The following ZNF135 variants were observed in gnomAD, a reference collection of about 807,000 sequenced individuals.
ZNF135 encodes zinc finger protein 135.
In ZNF135, 11 loss-of-function variants were observed where a neutral mutation model predicts 12.3. That is an observed-to-expected ratio of 0.89 (90% CI 0.56 to 1.48). ZNF135 has a LOEUF of 1.48. Among genes scored for constraint, ZNF135 ranks in the 40% most tolerant of loss-of-function variants. The pLI is 0.00. For synonymous variants in ZNF135, 316 were observed against 312.0 expected (o/e 1.01, Z -0.14); for missense variants, 722 against 815.7 (o/e 0.89, Z 1.40).
chr19:58,060,216 C>G lies in ZNF135; in HGVS notation c.33+181C>G. 6.9e-7 allele frequency: 1 copy of G among 1,453,038 alleles called. No homozygotes were observed. The highest frequency in any genetic ancestry group is 1.4e-5 in the South Asian group (1 of 73,162). 90.0% of individuals were successfully genotyped at this position (1,453,038 alleles called of 1,614,324 possible). Reference sequence around the variant, plus strand: ...TCGTGCCCGGCCTCTACTCGCACAACTGGCCTCTACTCGCGCACCTGGCCT... The same window carrying G: ...TCGTGCCCGGCCTCTACTCGCACAAGTGGCCTCTACTCGCGCACCTGGCCT... On this transcript the variant is annotated intron_variant, in intron 2 of 4. Transcript: ENST00000313434. This position sits in a 1 kb window ranked among gnomAD's most constrained non-coding sequence, Gnocchi z 4.9.
chr19:58,059,383 G>T lies in ZNF135; in HGVS notation c.-35+73G>T. 2 of 835,250 alleles carry T rather than the reference G, an allele frequency of 2.4e-6. No individual in the cohort carries two copies. The highest frequency in any genetic ancestry group is 1.9e-5 in the South Asian group (1 of 52,586). The allele number at this position is 835,250 out of a possible 1,614,324, so 51.7% of individuals were successfully genotyped here. A position where few individuals can be genotyped will look rare whatever the true frequency, so the allele number is the denominator to read the frequency against. On this transcript the variant is annotated intron_variant, in intron 1 of 4. Coordinates refer to ENST00000313434, the MANE Select transcript of ZNF135 (RefSeq NM_001289401.2). This position sits in a 1 kb window ranked among gnomAD's most constrained non-coding sequence, Gnocchi z 6.5. ...GCCGGGCCGGGTGCGGGGGGTCCGG[G>T]GATCTTCCTGAGGCCCTGGCGGGGC...
chr19:58,059,281 T>C (rs781591719), upstream of ZNF135: 2 of 1,530,466 alleles, frequency 1.3e-6, no homozygotes, highest in South Asian at 2.3e-5. The surrounding 1 kb of genome is among the most constrained non-coding windows in gnomAD (Gnocchi z 6.5). Context: ...CGGCTGCCGG[T>C]GCCGCGGCCT....
In ZNF135 at chr19:58,063,951, T is replaced by C. The variant is rs1439568507; in HGVS notation, c.256+410T>C. On this transcript the variant is annotated intron_variant, in intron 4 of 4. Coordinates refer to ENST00000313434, the MANE Select transcript of ZNF135 (RefSeq NM_001289401.2). The surrounding 1 kb of genome is among the most constrained non-coding windows in gnomAD (Gnocchi z 4.4). ...ATGAGGCAGTCTGAGTGAACAGTAG[T>C]ATTTCAGGCAGAGGAAACAGCAGGT... Among the ~76,000 whole-genome samples, 2 of 152,196 alleles carry C rather than the reference T, an allele frequency of 1.3e-5. No homozygotes were observed. Among genetic ancestry groups the C allele is most frequent in the African/African-American group, 2.4e-5 (1 of 41,452 alleles).
At chr19:58,061,369 CA>C (rs1182519339) in intron 2 of ZNF135, among the ~76,000 whole-genome samples, 1 of 152,186 alleles carries the variant, frequency 6.6e-6, no homozygotes, top group African/African-American at 2.4e-5. Context: ...TTTCAAGAGA[CA>C]AATTATTGGA....
rs767056847 is a variant in ZNF135, at chr19:58,068,443, G to A, written c.1959G>A (p.Gln653=). The A allele has an allele frequency of 3.1e-6, 5 of 1,613,926 alleles. No individual in the cohort carries two copies. Among genetic ancestry groups the A allele is most frequent in the Non-Finnish European group, 4.2e-6 (5 of 1,179,916 alleles). ...ACAGCTCCTCCCTTACCAAGCACCA[G>A]AGAACTCACACTGGATAAACCCACT... ...FTHSSSLTKH[Q]RTHTG The change falls in exon 5 of 5, where the codon CAG becomes CAA. Residue 653 remains glutamine (Q), a synonymous_variant. Transcript: ENST00000313434.
chr19:58,059,761 C>A lies in ZNF135; in HGVS notation c.-34-208C>A. 1 of 616,832 alleles carries A rather than the reference C, an allele frequency of 1.6e-6. No individual in the cohort carries two copies. Among genetic ancestry groups the A allele is most frequent in the Non-Finnish European group, 2.8e-6 (1 of 359,256 alleles). The allele number at this position is 616,832 out of a possible 1,614,324, so 38.2% of individuals were successfully genotyped here. On this transcript the variant is annotated intron_variant, in intron 1 of 4. Coordinates refer to ENST00000313434, the MANE Select transcript of ZNF135 (RefSeq NM_001289401.2). The surrounding 1 kb of genome is among the most constrained non-coding windows in gnomAD (Gnocchi z 6.5). ...CAGATATGTGTCCGCACCCGCCAGG[C>A]CTTCAGCTTCCCTCAGACAGGCGGG... is the stretch of plus-strand genomic sequence containing the variant.
In ZNF135 at chr19:58,068,011, C is replaced by A. The variant is rs552301497; in HGVS notation, c.1527C>A (p.Leu509=). ...AGGCATTCAGTCACAGCTCGTCCCTCACCAAACATCAGCGAATCCACACTG... is the reference window on the plus strand; with the variant it reads ...AGGCATTCAGTCACAGCTCGTCCCTAACCAAACATCAGCGAATCCACACTG... ...CGKAFSHSSS[L]TKHQRIHTGE... The change falls in exon 5 of 5, where the codon CTC becomes CTA. Residue 509 remains leucine (L), a synonymous_variant. Coordinates refer to ENST00000313434, the MANE Select transcript of ZNF135 (RefSeq NM_001289401.2). The A allele has an allele frequency of 5.4e-5, 87 of 1,613,070 alleles. 1 individual carries two copies. The South Asian group carries it at 8.6e-4, about 16-fold the overall frequency.
chr19:58,066,480 G>GT (rs1319874799), intron 4 of ZNF135, among the ~76,000 whole-genome samples: 1 of 152,104 alleles, frequency 6.6e-6, no homozygotes, highest in Non-Finnish European at 1.5e-5. Context: ...TGTGCCAACT[G>GT]TTTTTTCCTC....
rs2123460640 is a variant in ZNF135 at position 58,059,368 on chromosome 19, G to GCCGGT, written c.-35+58_-35+59insCCGGT. The GCCGGT allele has an allele frequency of 2.3e-6, 2 of 876,612 alleles. No individual in the cohort carries two copies. The highest frequency in any genetic ancestry group is 3.3e-6 in the Non-Finnish European group (2 of 609,344). 54.3% of individuals were successfully genotyped at this position (876,612 alleles called of 1,614,324 possible). On this transcript the variant is annotated intron_variant, in intron 1 of 4. Transcript: ENST00000313434. This position sits in a 1 kb window ranked among gnomAD's most constrained non-coding sequence, Gnocchi z 6.5. ...GCCAGGCCGGGCCGGGCCGGGCCGG[G>GCCGGT]TGCGGGGGGTCCGGGGATCTTCCTG...
At position 58,060,213 on chromosome 19, in the gene ZNF135, C is replaced by T. The variant is rs2073949411; in HGVS notation, c.33+178C>T. The T allele has an allele frequency of 6.9e-7, 1 of 1,454,054 alleles. No homozygotes were observed. The highest frequency in any genetic ancestry group is 9.1e-7 in the Non-Finnish European group (1 of 1,094,570). 90.1% of individuals were successfully genotyped at this position (1,454,054 alleles called of 1,614,324 possible). On this transcript the variant is annotated intron_variant, in intron 2 of 4. Transcript: ENST00000313434. The surrounding 1 kb of genome is among the most constrained non-coding windows in gnomAD (Gnocchi z 4.9). ...TACTCGTGCCCGGCCTCTACTCGCA[C>T]AACTGGCCTCTACTCGCGCACCTGG...
Position 58,066,847 on chromosome 19 carries a change from G to T in ZNF135, c.363G>T (p.Leu121=). 1 of 1,614,236 alleles carries T rather than the reference G, an allele frequency of 6.2e-7. No individual in the cohort carries two copies. The highest frequency in any genetic ancestry group is 8.5e-7 in the Non-Finnish European group (1 of 1,180,044). The change falls in exon 5 of 5, where the codon CTG becomes CTT. Residue 121 remains leucine (L), a synonymous_variant. Transcript: ENST00000313434. The stretch of plus-strand genomic sequence containing the variant: ...TAGAAAGATTCCTGTGGGATGGTCT[G>T]TGGTACTGCAGGGGTGAGGACACTG... ...ILVERFLWDG[L]WYCRGEDTEG...
At position 58,066,823 on chromosome 19, in the gene ZNF135, A is replaced by G; in HGVS notation, c.339A>G (p.Val113=). The G allele has an allele frequency of 6.2e-7, 1 of 1,614,250 alleles. No homozygotes were observed. Among genetic ancestry groups the G allele is most frequent in the Non-Finnish European group, 8.5e-7 (1 of 1,180,038 alleles). Reference sequence around the variant, plus strand: ...AAATATCCAACAGTGTCATCTTGGTAGAAAGATTCCTGTGGGATGGTCTGT... The same window carrying G: ...AAATATCCAACAGTGTCATCTTGGTGGAAAGATTCCTGTGGGATGGTCTGT... ...SEEISNSVIL[V]ERFLWDGLWY... Residue 113 remains valine (V), a synonymous_variant, in exon 5 of 5, where the codon GTA becomes GTG. Coordinates refer to ENST00000313434, the MANE Select transcript of ZNF135 (RefSeq NM_001289401.2).
rs1237070409 is a variant in ZNF135, at chr19:58,069,197, T to C, written c.*736T>C. The C allele has an allele frequency of 1.3e-5, 2 of 152,228 alleles. No individual in the cohort carries two copies. Among genetic ancestry groups the C allele is most frequent in the African/African-American group, 4.8e-5 (2 of 41,446 alleles). The allele number at this position is 152,228 out of a possible 1,614,324, so 9.4% of individuals were successfully genotyped here. The stretch of plus-strand genomic sequence containing the variant: ...TTTTGCAATTAATCTTTATATGCAA[T>C]GAGATTGAAAAGCTTTGTATGGGAA... On this transcript the variant is annotated 3_prime_UTR_variant, in exon 5 of 5. Coordinates refer to ENST00000313434, the MANE Select transcript of ZNF135 (RefSeq NM_001289401.2).
At position 58,068,511 on chromosome 19, in the gene ZNF135, A is replaced by G. The variant is rs1221085455; in HGVS notation, c.*50A>G. 6.4e-7 allele frequency: 1 copy of G among 1,569,906 alleles called. No homozygotes were observed. Among genetic ancestry groups the G allele is most frequent in the East Asian group, 2.2e-5 (1 of 44,512 alleles). On this transcript the variant is annotated 3_prime_UTR_variant, in exon 5 of 5. Coordinates refer to ENST00000313434, the MANE Select transcript of ZNF135 (RefSeq NM_001289401.2). ...ATAGGAAGACCTTAAGCCATAGCTCATCCCTTTCTAGATTTGACCCAATCA... is the reference window on the plus strand; with the variant it reads ...ATAGGAAGACCTTAAGCCATAGCTCGTCCCTTTCTAGATTTGACCCAATCA...
Position 58,060,388 on chromosome 19 carries a change from CCG to C in ZNF135, c.33+357_33+358del. On this transcript the variant is annotated intron_variant, in intron 2 of 4. Coordinates refer to ENST00000313434, the MANE Select transcript of ZNF135 (RefSeq NM_001289401.2). The surrounding 1 kb of genome is among the most constrained non-coding windows in gnomAD (Gnocchi z 4.9). ...CCTGCCTCTGAAAGGACCGCCCACG[CCG>C]CGCTGGAGGTCAGCGGGCACGGGTC... 3 of 1,237,786 alleles carry C rather than the reference CCG, an allele frequency of 2.4e-6. No individual in the cohort carries two copies. In the South Asian group the frequency reaches 5.3e-5, roughly 22 times the overall value. 76.7% of individuals were successfully genotyped at this position (1,237,786 alleles called of 1,614,324 possible). A position where few individuals can be genotyped will look rare whatever the true frequency, so the allele number is the denominator to read the frequency against.
Position 58,060,686 on chromosome 19 carries a change from G to A in ZNF135, c.33+651G>A, listed in dbSNP as rs1437350288. On this transcript the variant is annotated intron_variant, in intron 2 of 4. Transcript: ENST00000313434. The surrounding 1 kb of genome is among the most constrained non-coding windows in gnomAD (Gnocchi z 4.9). ...GGAATGTCAGAAAACCCGTACAAGG[G>A]GACTGGTGCGATGGCTTGTAGCTGT... 2.0e-5 allele frequency among the ~76,000 whole-genome samples: 3 copies of A among 152,156 alleles called. No homozygotes were observed. Among genetic ancestry groups the A allele is most frequent in the African/African-American group, 2.4e-5 (1 of 41,434 alleles).
At position 58,060,495 on chromosome 19, in the gene ZNF135, C is replaced by G; in HGVS notation, c.33+460C>G. 2.0e-6 allele frequency: 2 copies of G among 1,018,316 alleles called. No homozygotes were observed. The highest frequency in any genetic ancestry group is 2.4e-6 in the Non-Finnish European group (2 of 836,504). 63.1% of individuals were successfully genotyped at this position (1,018,316 alleles called of 1,614,324 possible). A position where few individuals can be genotyped will look rare whatever the true frequency, so the allele number is the denominator to read the frequency against. Reference sequence around the variant, plus strand: ...GTGATGTCAGAAAATTGTAGGTGCCCCGGCTCTGCAGTCTGAAGTTGAAGG... The same window carrying G: ...GTGATGTCAGAAAATTGTAGGTGCCGCGGCTCTGCAGTCTGAAGTTGAAGG... On this transcript the variant is annotated intron_variant, in intron 2 of 4. Transcript: ENST00000313434. The surrounding 1 kb of genome is among the most constrained non-coding windows in gnomAD (Gnocchi z 4.9).
At position 58,061,636 on chromosome 19, in the gene ZNF135, G is replaced by C; in HGVS notation, c.90G>C (p.Gln30His). Reference protein sequence around the residue: ...VVGFSQEEWGQLKPAQRTLYR... With the variant: ...VVGFSQEEWGHLKPAQRTLYR... ...GCTTCAGCCAGGAGGAGTGGGGGCA[G>C]CTGAAGCCTGCCCAGAGGACCCTGT... Residue 30 changes from glutamine (Q) to histidine (H), a missense_variant, in exon 3 of 5, where the codon CAG becomes CAC. Gln to His is a conservative substitution (Grantham distance 24). Transcript: ENST00000313434. 6.2e-7 allele frequency: 1 copy of C among 1,613,682 alleles called. No homozygotes were observed.
rs757574905 is a variant in ZNF135, at chr19:58,066,909, G to A, written c.425G>A (p.Ser142Asn). The part of the protein sequence containing the change: ...HWEWSCESLE[S>N]LAVPVAFTPV... Reference sequence around the variant, plus strand: ...GAATGGAGTTGTGAGAGTCTAGAGAGCCTGGCAGTGCCGGTGGCCTTCACG... The same window carrying A: ...GAATGGAGTTGTGAGAGTCTAGAGAACCTGGCAGTGCCGGTGGCCTTCACG... The change falls in exon 5 of 5, where the codon AGC (serine) becomes AAC (asparagine). Residue 142 changes from serine to asparagine, a missense_variant. Physicochemically the swap from Ser to Asn is conservative, Grantham distance 46. Transcript: ENST00000313434. 4.3e-6 allele frequency: 7 copies of A among 1,614,100 alleles called. No individual in the cohort carries two copies. The highest frequency in any genetic ancestry group is 1.7e-5 in the Admixed American group (1 of 60,002).
Sources: allele counts gnomAD v4.1 joint callset (sites outside exome capture counted in the v4.1 genomes callset), GRCh38; gene constraint gnomAD v4.1.1; non-coding constraint Gnocchi (gnomAD v3.1); transcripts MANE v1.5; gene names NCBI Gene and HGNC (gene_info 2026-07-23, HGNC 2026-07-21).